The following BICC1 variants were observed in gnomAD, a reference collection of about 807,000 sequenced individuals.
BICC1 encodes protein bicaudal C homolog 1.
Under a neutral mutation model 111.0 loss-of-function variants are expected in BICC1, and 43 were observed. The ratio of observed to expected loss-of-function variants is 0.39; its 90% CI spans 0.30 to 0.50. The LOEUF (loss-of-function observed/expected upper bound fraction) is 0.50. Among genes scored for constraint, BICC1 ranks in the 20% least tolerant of loss-of-function variants. The probability of loss-of-function intolerance (pLI) is 0.88; values close to 1 mark genes in which losing one functional copy is unlikely to be tolerated. For synonymous variants in BICC1, 467 were observed against 434.4 expected (o/e 1.07, Z -0.93); for missense variants, 1,091 against 1,203.2 (o/e 0.91, Z 1.38).
chr10:58,795,713 A>G (rs933992123), intron 9 of BICC1, among the ~76,000 whole-genome samples: 4 of 151,066 alleles, frequency 2.6e-5, no homozygotes, highest in African/African-American at 9.7e-5. Context: ...AATTTTCTTG[A>G]TGAGTCCATT....
In BICC1 at chr10:58,606,451, T is replaced by C. The variant is rs572661728; in HGVS notation, c.191-14404T>C. 2.7e-5 allele frequency among the ~76,000 whole-genome samples: 4 copies of C among 149,392 alleles called. No homozygotes were observed. In the East Asian group the frequency reaches 8.1e-4, roughly 30 times the overall value. ...GGGGGAGGGATAGCATTGGGAGATA[T>C]ACCTAGGGCTAGATGACGAGTTAGT... On this transcript the variant is annotated intron_variant, in intron 1 of 20. Transcript: ENST00000373886.
chr10:58,537,718 T>C (rs1842859427), intron 1 of BICC1, among the ~76,000 whole-genome samples: 1 of 151,778 alleles, frequency 6.6e-6, no homozygotes, highest in Admixed American at 6.6e-5. Flanking sequence ...GATGTGATCA[T>C]ATACCTAGAA....
At chr10:58,736,028 G>A (rs1425657431) in intron 3 of BICC1, among the ~76,000 whole-genome samples, 2 of 152,008 alleles carry the variant, frequency 1.3e-5, no homozygotes, top group African/African-American at 2.4e-5. Context: ...GATTACCTAC[G>A]AAGCATCACT....
chr10:58,804,541 A>G (rs1019833467), intron 15 of BICC1, among the ~76,000 whole-genome samples: 1 of 152,176 alleles, frequency 6.6e-6, no homozygotes, highest in African/African-American at 2.4e-5. Context: ...AAATAAAATA[A>G]AAAAGACATT....
intron 2 of BICC1, among the ~76,000 whole-genome samples, chr10:58,688,276 C>G (rs1839805162): frequency 6.6e-6 from 1 of 152,192 alleles, no homozygotes; most frequent in Admixed American, 6.5e-5. Context: ...GCTGATTGGT[C>G]CATTTCACTG....
intron 3 of BICC1, among the ~76,000 whole-genome samples, chr10:58,747,448 G>C (rs1841866108): frequency 6.6e-6 from 1 of 151,908 alleles, no homozygotes; most frequent in Non-Finnish European, 1.5e-5. Context: ...CATTTCTTAG[G>C]GGTTTATACA....
rs1034896029 is a variant in BICC1 at position 58,628,747 on chromosome 10, C to T, written c.237+7846C>T. On this transcript the variant is annotated intron_variant, in intron 2 of 20. Transcript: ENST00000373886. Reference sequence around the variant, plus strand: ...CCAGAAGTACCTAAATATTATATAACCTTTAGGCACTGTTACATTGGTCAC... The same window carrying T: ...CCAGAAGTACCTAAATATTATATAATCTTTAGGCACTGTTACATTGGTCAC... Among the ~76,000 whole-genome samples, 35 of 152,102 alleles carry T rather than the reference C, an allele frequency of 2.3e-4. 1 individual carries two copies. The highest frequency in any genetic ancestry group is 1.3e-3 in the Admixed American group (20 of 15,268).
chr10:58,534,078 A>G (rs1226268823), intron 1 of BICC1, among the ~76,000 whole-genome samples: 1 of 151,860 alleles, frequency 6.6e-6, no homozygotes, highest in African/African-American at 2.4e-5. Context: ...AAGGAGGGAA[A>G]AAAGATATTC....
At chr10:58,749,720 C>T (rs1841933023) in intron 3 of BICC1, among the ~76,000 whole-genome samples, 2 of 152,122 alleles carry the variant, frequency 1.3e-5, no homozygotes, top group Non-Finnish European at 2.9e-5. Flanking sequence ...AAGTGCCCTC[C>T]AGACCCTTAG....
chr10:58,798,797 G>C (rs1181173812), intron 11 of BICC1, among the ~76,000 whole-genome samples: 2 of 152,112 alleles, frequency 1.3e-5, no homozygotes, highest in Non-Finnish European at 2.9e-5. Context: ...CTGGTAGTTA[G>C]GTTCTAGTTG....
At chr10:58,707,393 T>C (rs1398239501) in intron 3 of BICC1, among the ~76,000 whole-genome samples, 1 of 152,176 alleles carries the variant, frequency 6.6e-6, no homozygotes, top group African/African-American at 2.4e-5. Context: ...CATGGCATGC[T>C]GGACCAAAGT....
intron 1 of BICC1, among the ~76,000 whole-genome samples, chr10:58,562,681 C>T (rs1843640485): frequency 6.6e-6 from 1 of 151,854 alleles, no homozygotes; most frequent in Non-Finnish European, 1.5e-5. Flanking sequence ...CCTTGCTTTT[C>T]ACTTCTCTTG....
At chr10:58,699,114 G>A (rs1438538831) in intron 2 of BICC1, among the ~76,000 whole-genome samples, 1 of 152,192 alleles carries the variant, frequency 6.6e-6, no homozygotes, top group Non-Finnish European at 1.5e-5. Flanking sequence ...CTAATTACTG[G>A]CAATTTGTTT....
chr10:58,600,709 C>T (rs1303029091), intron 1 of BICC1, among the ~76,000 whole-genome samples: 1 of 152,096 alleles, frequency 6.6e-6, no homozygotes, highest in East Asian at 1.9e-4. Flanking sequence ...TCTTCTGCCT[C>T]CTTCTCAGCC....
At chr10:58,651,114 C>G (rs980367942) in intron 2 of BICC1, among the ~76,000 whole-genome samples, 2 of 152,162 alleles carry the variant, frequency 1.3e-5, no homozygotes, top group South Asian at 2.1e-4. Flanking sequence ...TGCTACCACG[C>G]TCTAAGCTTT....
chr10:58,555,102 A>C (rs568649745), intron 1 of BICC1, among the ~76,000 whole-genome samples: 2 of 152,066 alleles, frequency 1.3e-5, no homozygotes, highest in East Asian at 3.9e-4. Flanking sequence ...GAGTAAAACC[A>C]TTTTAGCTGA....
chr10:58,567,983 G>A (rs547124390), intron 1 of BICC1, among the ~76,000 whole-genome samples: 1 of 152,158 alleles, frequency 6.6e-6, no homozygotes, highest in East Asian at 1.9e-4. Context: ...ACAATGGGGA[G>A]GGAATCAGAA....
At chr10:58,802,958 A>G in intron 14 of BICC1, 119 bp from the exon 15 acceptor site, 1 of 985,262 alleles carries the variant, frequency 1.0e-6, no homozygotes, top group South Asian at 2.6e-5. Flanking sequence ...GGATTAAATG[A>G]GAGACTACGT....
chr10:58,682,550 G>A (rs538563040), intron 2 of BICC1, among the ~76,000 whole-genome samples: 67 of 152,234 alleles, frequency 4.4e-4, no homozygotes, highest in African/African-American at 1.6e-3. Context: ...ACTTTTTAAT[G>A]ATTGCCATTC....
Sources: allele counts gnomAD v4.1 joint callset (sites outside exome capture counted in the v4.1 genomes callset), GRCh38; gene constraint gnomAD v4.1.1; transcripts MANE v1.5; gene names NCBI Gene and HGNC (gene_info 2026-07-23, HGNC 2026-07-21).